CKMT2: variants seen among roughly 807,000 people sequenced by gnomAD.
CKMT2 encodes creatine kinase, mitochondrial 2, also known as creatine kinase S-type, mitochondrial.
A neutral mutation model predicts 48.9 loss-of-function variants in CKMT2; 43 were observed. The ratio of observed to expected loss-of-function variants is 0.88; its 90% CI spans 0.69 to 1.13. The LOEUF (loss-of-function observed/expected upper bound fraction) is 1.13, where lower values mean the gene tolerates loss of function less well. CKMT2 is among the 50% of genes most tolerant of loss of function. CKMT2 has a pLI of 0.00. For missense variants in CKMT2, 472 were observed against 555.4 expected (o/e 0.85, Z 1.51); for synonymous variants, 206 against 213.0 (o/e 0.97, Z 0.29).
In CKMT2 at chr5:81,251,582, G is replaced by A. The variant is rs889473102; in HGVS notation, c.152+298G>A. On this transcript the variant is annotated intron_variant, in intron 2 of 9. Coordinates refer to ENST00000254035, the MANE Select transcript of CKMT2 (RefSeq NM_001099735.2). ...CAGCCTGGCAACAGAGCAAGACTCC[G>A]TCTCAAAACAAAACAAAACAAAAAC... 3.3e-5 allele frequency among the ~76,000 whole-genome samples: 5 copies of A among 152,068 alleles called. No homozygotes were observed. In the East Asian group the frequency reaches 5.8e-4, roughly 18 times the overall value.
At chr5:81,235,664 A>C (rs947081105) in intron 1 of CKMT2, 4 of 152,294 alleles carry the variant, frequency 2.6e-5, no homozygotes, top group Admixed American at 2.0e-4. Flanking sequence ...ACAGAACCAG[A>C]GAAGAGCATT....
rs183166006 is a variant in CKMT2, at chr5:81,259,304, C to T, written c.1014+50C>T. On this transcript the variant is annotated intron_variant, in intron 8 of 9. Transcript: ENST00000254035. ...TGATGGGCCAGGATCAGCTCAGATGCGACTGCTTTGTGGAGGAAGAAAACA... is the reference window on the plus strand; with the variant it reads ...TGATGGGCCAGGATCAGCTCAGATGTGACTGCTTTGTGGAGGAAGAAAACA... The T allele has an allele frequency of 2.7e-3, 4,202 of 1,549,490 alleles. 11 individuals carry two copies. Among genetic ancestry groups the T allele is most frequent in the Non-Finnish European group, 3.2e-3 (3,705 of 1,141,982 alleles).
chr5:81,260,787 C>G (rs552704097), intron 8 of CKMT2, among the ~76,000 whole-genome samples: 3 of 152,292 alleles, frequency 2.0e-5, no homozygotes, highest in East Asian at 3.9e-4. Context: ...ACCAGAGGTA[C>G]AAAGAGGAGC....
chr5:81,259,119 G>A lies in CKMT2; in HGVS notation c.880-1G>A, dbSNP rs1353169052. 4 of 1,612,018 alleles carry A rather than the reference G, an allele frequency of 2.5e-6. No homozygotes were observed. The highest frequency in any genetic ancestry group is 2.2e-5 in the East Asian group (1 of 44,842). On this transcript the variant is annotated splice_acceptor_variant, in intron 7 of 9. Coordinates refer to ENST00000254035, the MANE Select transcript of CKMT2 (RefSeq NM_001099735.2). LOFTEE classifies it high-confidence loss of function. ...TTTGTTCACTGTGGTTCTACTTGTA[G>A]GTAGAACGGTTAATCCAAGAACGAG...
chr5:81,234,035 A>AC (rs1252896739), intron 1 of CKMT2, among the ~76,000 whole-genome samples: 1 of 151,368 alleles, frequency 6.6e-6, no homozygotes, highest in African/African-American at 2.4e-5. Context: ...AAAAAAAAAA[A>AC]AAAAAAAAAA....
Position 81,256,928 on chromosome 5 carries a change from T to C in CKMT2, c.683T>C (p.Phe228Ser). Residue 228 changes from phenylalanine (F) to serine (S), a missense_variant, in exon 6 of 10, where the codon TTT becomes TCT. By Grantham distance (155) the Phe-to-Ser change is radical (BLOSUM62 -2). Coordinates refer to ENST00000254035, the MANE Select transcript of CKMT2 (RefSeq NM_001099735.2). ...TTTGGCCTACAGGACCACTTTCTGT[T>C]TGATAAGCCAGTGTCCCCTTTATTA... Reference protein sequence around the residue: ...QQRLIDDHFLFDKPVSPLLTC... With the variant: ...QQRLIDDHFLSDKPVSPLLTC... 1 of 1,613,798 alleles carries C rather than the reference T, an allele frequency of 6.2e-7. No homozygotes were observed. The highest frequency in any genetic ancestry group is 8.5e-7 in the Non-Finnish European group (1 of 1,179,790).
intron 8 of CKMT2, among the ~76,000 whole-genome samples, chr5:81,262,284 A>G (rs1004224984): frequency 1.3e-5 from 2 of 152,246 alleles, no homozygotes; most frequent in African/African-American, 4.8e-5. Flanking sequence ...AGGCATGGGC[A>G]AAGACTTCAT....
At position 81,263,015 on chromosome 5, in the gene CKMT2, G is replaced by C. The variant is rs1007642576; in HGVS notation, c.1015-476G>C. ...CAGCCATAAAAAAGGATGAGTTCAT[G>C]TCCTTTGCAGGGACATGGATGAAGC... On this transcript the variant is annotated intron_variant, in intron 8 of 9. Transcript: ENST00000254035. 2.6e-5 allele frequency among the ~76,000 whole-genome samples: 4 copies of C among 152,164 alleles called. No homozygotes were observed. The East Asian group carries it at 7.7e-4, about 29-fold the overall frequency.
chr5:81,247,102 A>G (rs1432876563), intron 1 of CKMT2: 2 of 152,212 alleles, frequency 1.3e-5, no homozygotes, highest in Admixed American at 6.5e-5. Context: ...TTGAGATTTT[A>G]TCCCAGGGAG....
In CKMT2 at chr5:81,263,569, G is replaced by T. The variant is rs200838735; in HGVS notation, c.1093G>T (p.Ala365Ser). Residue 365 changes from alanine to serine, a missense_variant, in exon 9 of 10, where the codon GCA becomes TCA. Physicochemically the swap from Ala to Ser is moderately conservative, Grantham distance 99. Transcript: ENST00000254035. ...GTGGVDTAAV[A>S]DVYDISNIDR... ...AGGTGGTGTGGACACTGCCGCGGTC[G>T]CAGATGTGTACGACATTTCCAACAT... 1 of 1,612,442 alleles carries T rather than the reference G, an allele frequency of 6.2e-7. No homozygotes were observed. Among genetic ancestry groups the T allele is most frequent in the African/African-American group, 1.3e-5 (1 of 74,814 alleles).
Position 81,263,452 on chromosome 5 carries a change from T to G in CKMT2, c.1015-39T>G, listed in dbSNP as rs779779965. 15 of 1,470,514 alleles carry G rather than the reference T, an allele frequency of 1.0e-5. No individual in the cohort carries two copies. In the African/African-American group the frequency reaches 2.0e-4, roughly 19 times the overall value. The allele number at this position is 1,470,514 out of a possible 1,614,324, so 91.1% of individuals were successfully genotyped here. ...CGCACCAATGATTATGAATCAATTT[T>G]GCCTCTTAGCACATTTAAGTATTAT... On this transcript the variant is annotated intron_variant, in intron 8 of 9. Transcript: ENST00000254035.
chr5:81,240,470 G>A (rs1756398875), intron 1 of CKMT2, among the ~76,000 whole-genome samples: 1 of 152,214 alleles, frequency 6.6e-6, no homozygotes, highest in South Asian at 2.1e-4. Context: ...GGGTGTGCAG[G>A]GGTCTATTCA....
chr5:81,248,542 T>G (rs1340679497), intron 1 of CKMT2, among the ~76,000 whole-genome samples: 2 of 152,210 alleles, frequency 1.3e-5, no homozygotes, highest in African/African-American at 4.8e-5. Flanking sequence ...CTTGGAGGGA[T>G]ACTGACATGA....
chr5:81,233,478 G>C, intron 1 of CKMT2, 101 bp downstream of exon 1: 1 of 853,282 alleles, frequency 1.2e-6, no homozygotes, highest in Non-Finnish European at 1.4e-6. Context: ...GCTGTAGACG[G>C]GGACCCCGTT....
At position 81,257,036 on chromosome 5, in the gene CKMT2, T is replaced by C. The variant is rs1234575069; in HGVS notation, c.755+36T>C. The C allele has an allele frequency of 7.0e-6, 11 of 1,560,816 alleles. No homozygotes were observed. In the African/African-American group the frequency reaches 8.1e-5, roughly 12 times the overall value. On this transcript the variant is annotated intron_variant, in intron 6 of 9. Transcript: ENST00000254035. ...AGCATTTTCACATTTGCAATATCTG[T>C]AGAGGATGTTTTTGAGATCACCTGC... is the stretch of plus-strand genomic sequence containing the variant.
Position 81,233,377 on chromosome 5 carries a change from G to A in CKMT2, c.-21G>A, listed in dbSNP as rs1379802404. 6.2e-5 allele frequency: 61 copies of A among 985,660 alleles called. No individual in the cohort carries two copies. Among genetic ancestry groups the A allele is most frequent in the Non-Finnish European group, 7.2e-5 (60 of 830,212 alleles). The allele number at this position is 985,660 out of a possible 1,614,324, so 61.1% of individuals were successfully genotyped here. The stretch of plus-strand genomic sequence containing the variant: ...AGGACGTGGGAGGCTCCGGCTTCAA[G>A]GTCGGTGAGTCCGTGAAACTCTGCT... On this transcript the variant is annotated splice_region_variant and 5_prime_UTR_variant, in exon 1 of 10. Transcript: ENST00000254035.
intron 1 of CKMT2, among the ~76,000 whole-genome samples, chr5:81,243,730 A>G (rs1221949189): frequency 1.3e-5 from 2 of 151,846 alleles, no homozygotes; most frequent in Non-Finnish European, 2.9e-5. Context: ...TCTATCACCC[A>G]GGCTGCTGGA....
chr5:81,253,845 G>A (rs1186606338), intron 3 of CKMT2, among the ~76,000 whole-genome samples: 2 of 152,174 alleles, frequency 1.3e-5, no homozygotes, highest in African/African-American at 2.4e-5. Flanking sequence ...GATTTTGCAC[G>A]AGATCATTTG....
chr5:81,265,261 A>C (rs983534932), intron 9 of CKMT2, among the ~76,000 whole-genome samples: 2 of 152,198 alleles, frequency 1.3e-5, no homozygotes, highest in East Asian at 3.9e-4. Flanking sequence ...TAAATAGAAA[A>C]TATGTGTTTT....
Sources: gnomAD v4.1 joint callset for allele counts (sites outside exome capture counted in the v4.1 genomes callset) on GRCh38, gnomAD v4.1.1 for gene constraint, MANE v1.5 for transcripts, NCBI Gene and HGNC (gene_info 2026-07-23, HGNC 2026-07-21) for gene names.